The following FAM120B variants were observed in gnomAD, a reference collection of about 807,000 sequenced individuals.
FAM120B encodes the protein constitutive coactivator of peroxisome proliferator-activated receptor gamma.
FAM120B carries 83 observed loss-of-function variants against 96.3 expected under a neutral mutation model. The ratio of observed to expected loss-of-function variants is 0.86; its 90% CI spans 0.72 to 1.03. The LOEUF is 1.03. Ranked by LOEUF, FAM120B falls within the 50% of genes least tolerant of loss-of-function variation. The pLI, the probability that FAM120B is intolerant of heterozygous loss-of-function variation, is 0.00. For synonymous variants in FAM120B, 407 were observed against 402.7 expected, an observed-to-expected ratio of 1.01 and a Z score of -0.13; for missense variants, 1,027 against 1,121.2, an observed-to-expected ratio of 0.92 and a Z score of 1.20.
At chr6:170,314,608 A>T (rs1279055301) in intron 1 of FAM120B, among the ~76,000 whole-genome samples, 1 of 152,222 alleles carries the variant, frequency 6.6e-6, no homozygotes. Flanking sequence ...TATTTTCCCC[A>T]GTCATCCCAT....
At chr6:170,379,321 G>T (rs1789767611) in intron 6 of FAM120B, among the ~76,000 whole-genome samples, 1 of 152,208 alleles carries the variant, frequency 6.6e-6, no homozygotes, top group East Asian at 1.9e-4. Context: ...TACAGTTGGA[G>T]AAGTCCTCAT....
At chr6:170,325,085 G>A (rs553216488) in intron 3 of FAM120B, among the ~76,000 whole-genome samples, 25 of 152,148 alleles carry the variant, frequency 1.6e-4, no homozygotes, top group South Asian at 8.3e-4. Context: ...TTTTGCTTTA[G>A]GTATTTTGAA....
chr6:170,330,781 T>C, intron 4 of FAM120B: 1 of 533,424 alleles, frequency 1.9e-6, no homozygotes, highest in Non-Finnish European at 3.4e-6. Flanking sequence ...TCTGCCTCTT[T>C]CTCCATCCAC....
chr6:170,369,565 G>A (rs1789040970), intron 6 of FAM120B, among the ~76,000 whole-genome samples: 1 of 152,090 alleles, frequency 6.6e-6, no homozygotes. Flanking sequence ...AACTGGAAAG[G>A]TCTCTCATGA....
chr6:170,318,579 T>A lies in FAM120B; in HGVS notation c.1189T>A (p.Ser397Thr). The change falls in exon 2 of 11, where the codon TCC (serine) becomes ACC (threonine). Residue 397 changes from serine (S) to threonine (T), a missense_variant. By Grantham distance (58) the Ser-to-Thr change is moderately conservative. Around this residue, in one of 3 missense-constraint regions of FAM120B, gnomAD observed 880 missense variants for 980.9 expected, o/e 0.90. Coordinates refer to ENST00000476287, the MANE Select transcript of FAM120B (RefSeq NM_032448.3). ...AGTTCCCACGTGTACAGGCCCTGAA[T>A]CCAGGCGAGAAGTTCCCATGTGTTC... ...QEVPTCTGPE[S>T]RREVPMCSDP... The A allele has an allele frequency of 6.8e-7, 1 of 1,463,342 alleles. No homozygotes were observed. Among genetic ancestry groups the A allele is most frequent in the Non-Finnish European group, 9.2e-7 (1 of 1,092,688 alleles). 90.6% of individuals were successfully genotyped at this position (1,463,342 alleles called of 1,614,324 possible).
At chr6:170,293,102 T>C (rs1277010643), upstream of FAM120B, among the ~76,000 whole-genome samples, 1 of 152,148 alleles carries the variant, frequency 6.6e-6, no homozygotes, top group Non-Finnish European at 1.5e-5. Flanking sequence ...TTTCTCTAGG[T>C]TGATGTTTCC....
chr6:170,317,545 G>T lies in FAM120B; in HGVS notation c.155G>T (p.Trp52Leu), dbSNP rs1317863903. The T allele has an allele frequency of 1.2e-6, 2 of 1,614,020 alleles. No homozygotes were observed. Among genetic ancestry groups the T allele is most frequent in the African/African-American group, 2.7e-5 (2 of 74,890 alleles). Residue 52 changes from tryptophan to leucine, a missense_variant, in exon 2 of 11, where the codon TGG becomes TTG. Trp to Leu is a moderately conservative substitution (Grantham distance 61). This residue lies in a region of FAM120B where 880 missense variants were observed against 980.9 expected (regional missense o/e 0.90). Transcript: ENST00000476287. ...GATGCCATGTGTTGTCTCAGATATT[G>T]GTATACTCCAGAATCTTGGATCTGC... ...VVDAMCCLRY[W>L]YTPESWICGG...
rs774439599 is a variant in FAM120B at position 170,318,762 on chromosome 6, A to G, written c.1372A>G (p.Arg458Gly). The change falls in exon 2 of 11, where the codon AGG becomes GGG. Residue 458 changes from arginine (R) to glycine (G), a missense_variant. By Grantham distance (125) the Arg-to-Gly change is moderately radical. This residue lies in a region of FAM120B where 880 missense variants were observed against 980.9 expected (regional missense o/e 0.90). Transcript: ENST00000476287. Reference sequence around the variant, plus strand: ...TCCCATGTATACAGGCTCTGAACCCAGGCAAGAAGTTCCCATGTATACAGG... The same window carrying G: ...TCCCATGTATACAGGCTCTGAACCCGGGCAAGAAGTTCCCATGTATACAGG... Reference protein sequence around the residue: ...EVPMYTGSEPRQEVPMYTGPE... With the variant: ...EVPMYTGSEPGQEVPMYTGPE... The G allele has an allele frequency of 6.2e-7, 1 of 1,613,196 alleles. No individual in the cohort carries two copies. Among genetic ancestry groups the G allele is most frequent in the Non-Finnish European group, 8.5e-7 (1 of 1,179,720 alleles).
upstream of FAM120B, among the ~76,000 whole-genome samples, chr6:170,292,900 G>A (rs1454684107): frequency 6.6e-6 from 1 of 152,210 alleles, no homozygotes; most frequent in Non-Finnish European, 1.5e-5. This position sits in a 1 kb window ranked among gnomAD's most constrained non-coding sequence, Gnocchi z 6.6. Context: ...GATGTTTAGT[G>A]CCAGGTGAGA....
intron 7 of FAM120B, among the ~76,000 whole-genome samples, chr6:170,389,496 T>G (rs533813295): frequency 6.6e-6 from 1 of 152,232 alleles, no homozygotes; most frequent in Non-Finnish European, 1.5e-5. Flanking sequence ...TTTTTAATTT[T>G]TGAAGTGCTT....
At chr6:170,389,274 A>G (rs1790356292) in intron 7 of FAM120B, among the ~76,000 whole-genome samples, 2 of 152,356 alleles carry the variant, frequency 1.3e-5, no homozygotes, top group South Asian at 2.1e-4. Context: ...AATTTTATAC[A>G]GTATTATTAA....
rs148299457 is a variant in FAM120B, at chr6:170,357,707, C to G, written c.2191-519C>G. Among the ~76,000 whole-genome samples, 672 of 152,328 alleles carry G rather than the reference C, an allele frequency of 4.4e-3. 4 individuals carry two copies. Among genetic ancestry groups the G allele is most frequent in the Middle Eastern group, 0.017 (5 of 294 alleles). The stretch of plus-strand genomic sequence containing the variant: ...CGTGATCAACTGTCTGGCTCTAAGA[C>G]CTGGTCTTGGTTGGCACCTCATGAT... On this transcript the variant is annotated intron_variant, in intron 5 of 10. Transcript: ENST00000476287.
At chr6:170,390,829 A>T (rs948591500) in intron 7 of FAM120B, among the ~76,000 whole-genome samples, 184 bp from the exon 8 acceptor site, 2 of 152,060 alleles carry the variant, frequency 1.3e-5, no homozygotes, top group Non-Finnish European at 2.9e-5. Flanking sequence ...ACCTCTTGGG[A>T]TGTGGTCATG....
intron 6 of FAM120B, among the ~76,000 whole-genome samples, chr6:170,362,602 A>G (rs1269182666): frequency 6.6e-6 from 1 of 151,846 alleles, no homozygotes. Flanking sequence ...CAGTGTGTGC[A>G]CTCACATGGT....
chr6:170,347,491 T>C (rs944761262), intron 4 of FAM120B, among the ~76,000 whole-genome samples: 3 of 152,232 alleles, frequency 2.0e-5, no homozygotes, highest in African/African-American at 7.2e-5. Context: ...TAAACATCTA[T>C]ATAAAATATA....
At chr6:170,366,326 CAGTTGCCTTGGCA>C (rs1194978808) in intron 6 of FAM120B, among the ~76,000 whole-genome samples, 7 of 152,260 alleles carry the variant, frequency 4.6e-5, no homozygotes, top group Middle Eastern at 3.4e-3. Flanking sequence ...AGGTTCTGGC[CAGTTGCCTTGGCA>C]GAGCCTTGCT....
At chr6:170,327,380 C>CA (rs1439301265) in intron 3 of FAM120B, among the ~76,000 whole-genome samples, 1 of 152,092 alleles carries the variant, frequency 6.6e-6, no homozygotes, top group African/African-American at 2.4e-5. Flanking sequence ...TTTCAGGAGT[C>CA]ACAAAATATT....
chr6:170,327,915 G>A lies in FAM120B; in HGVS notation c.1916-2534G>A, dbSNP rs147777674. 3.5e-3 allele frequency among the ~76,000 whole-genome samples: 537 copies of A among 151,856 alleles called. 1 individual carries two copies. The highest frequency in any genetic ancestry group is 8.9e-3 in the Admixed American group (136 of 15,254). On this transcript the variant is annotated intron_variant, in intron 3 of 10. Transcript: ENST00000476287. ...TGTAGGCTTTACACACACTGCACAC[G>A]CAGGCTGCTCTGGTGACTCCGGTGA...
At position 170,318,103 on chromosome 6, in the gene FAM120B, T is replaced by C. The variant is rs188414778; in HGVS notation, c.713T>C (p.Met238Thr). The change falls in exon 2 of 11, where the codon ATG (methionine) becomes ACG (threonine). Residue 238 changes from methionine (M) to threonine (T), a missense_variant. Around this residue, in one of 3 missense-constraint regions of FAM120B, gnomAD observed 880 missense variants for 980.9 expected, o/e 0.90. Coordinates refer to ENST00000476287, the MANE Select transcript of FAM120B (RefSeq NM_032448.3). ...GGCAACGACATAATCCCAGAGGGCA[T>C]GTTTGAAAGCTTTAGGTACAAATGC... ...LLGNDIIPEG[M>T]FESFRYKCLS... 104 of 1,614,240 alleles carry C rather than the reference T, an allele frequency of 6.4e-5. No homozygotes were observed. In the East Asian group the frequency reaches 1.8e-3, roughly 27 times the overall value.
Sources: gnomAD v4.1 joint callset for allele counts (sites outside exome capture counted in the v4.1 genomes callset) on GRCh38, gnomAD v4.1.1 for gene constraint, gnomAD v4.1.1 regional missense constraint, Gnocchi (gnomAD v3.1) non-coding constraint, MANE v1.5 for transcripts, NCBI Gene and HGNC (gene_info 2026-07-23, HGNC 2026-07-21) for gene names.